TRNT1: variants seen among roughly 807,000 people sequenced by gnomAD.
TRNT1 encodes the protein CCA tRNA nucleotidyltransferase 1, mitochondrial.
A neutral mutation model predicts 45.6 loss-of-function variants in TRNT1; 44 were observed. The observed-to-expected ratio is 0.97, with a 90% CI of 0.76 to 1.24. The LOEUF is 1.24. Among genes scored for constraint, TRNT1 ranks in the 50% most tolerant of loss-of-function variants. The pLI is 0.00. For synonymous variants in TRNT1, 201 were observed against 171.4 expected, an observed-to-expected ratio of 1.17 and a Z score of -1.35; for missense variants, 633 against 504.4, an observed-to-expected ratio of 1.25 and a Z score of -2.44.
At chr3:3,152,691 A>G, downstream of TRNT1, 1 of 1,380,298 alleles carries the variant, frequency 7.2e-7, no homozygotes, top group South Asian at 1.2e-5. Flanking sequence ...GGTATGAGCT[A>G]TACAGTTTTT....
chr3:3,150,621 T>G (rs1338022283), downstream of TRNT1: 1 of 431,598 alleles, frequency 2.3e-6, no homozygotes, highest in African/African-American at 2.0e-5. Flanking sequence ...CACAGGATAA[T>G]GGCACCAAGC....
At position 3,147,567 on chromosome 3, in the gene TRNT1, C is replaced by T; in HGVS notation, c.920C>T (p.Thr307Ile). Reference protein sequence around the residue: ...ASLFKVQDDVTKLDLRLKIAK... With the variant: ...ASLFKVQDDVIKLDLRLKIAK... ...TTATTCAAAGTACAAGATGATGTCA[C>T]AAAATTGGATTTGAGGTTGAAGATC... The change falls in exon 7 of 8, where the codon ACA becomes ATA. Residue 307 changes from threonine to isoleucine, a missense_variant. By Grantham distance (89) the Thr-to-Ile change is moderately conservative (BLOSUM62 -1). Coordinates refer to ENST00000251607, the MANE Select transcript of TRNT1 (RefSeq NM_182916.3). 6.2e-7 allele frequency: 1 copy of T among 1,613,854 alleles called. No homozygotes were observed.
At chr3:3,133,992 A>G (rs532798904) in intron 2 of TRNT1, among the ~76,000 whole-genome samples, 38 of 152,284 alleles carry the variant, frequency 2.5e-4, no homozygotes, top group African/African-American at 7.9e-4. Flanking sequence ...ACATTAATGT[A>G]TGGTCTTTTG....
At chr3:3,150,269 C>T (rs1163417321), downstream of TRNT1, 2 of 152,322 alleles carry the variant, frequency 1.3e-5, no homozygotes, top group Non-Finnish European at 2.9e-5. Flanking sequence ...GACAACTATT[C>T]GTGGGCTCAA....
rs1575054638 is a variant in TRNT1, at chr3:3,140,434, A to G, written c.343-76A>G. 2.0e-6 allele frequency: 3 copies of G among 1,504,322 alleles called. No individual in the cohort carries two copies. In the East Asian group the frequency reaches 6.8e-5, roughly 34 times the overall value. 93.2% of individuals were successfully genotyped at this position (1,504,322 alleles called of 1,614,324 possible). ...TAGTACCATCCCTTTATAAAGACAA[A>G]AACTTATTTTTTTCAATTCAGTAGT... On this transcript the variant is annotated intron_variant, in intron 3 of 7. Transcript: ENST00000251607.
chr3:3,137,157 C>T (rs1180633045), intron 2 of TRNT1, 103 bp from the exon 3 acceptor site: 6 of 897,826 alleles, frequency 6.7e-6, no homozygotes, highest in Non-Finnish European at 9.8e-6. Context: ...AAATGAATCT[C>T]TGCTGTTCCA....
At chr3:3,153,231 C>T, downstream of TRNT1, 2 of 538,428 alleles carry the variant, frequency 3.7e-6, no homozygotes, top group Admixed American at 3.3e-5. Flanking sequence ...GTGAATAATC[C>T]CTGACATGCA....
intron 4 of TRNT1, 78 bp from the exon 5 acceptor site, chr3:3,144,506 G>C: frequency 7.3e-7 from 1 of 1,363,390 alleles, no homozygotes; most frequent in Non-Finnish European, 1.0e-6. Flanking sequence ...GTTTGTGATA[G>C]TGTTTAGCTG....
At chr3:3,144,515 T>C (rs949578682) in intron 4 of TRNT1, 69 bp from the exon 5 acceptor site, 3 of 1,440,168 alleles carry the variant, frequency 2.1e-6, no homozygotes, top group Non-Finnish European at 2.9e-6. Context: ...AGTGTTTAGC[T>C]GATTTTCTTG....
chr3:3,136,106 T>C (rs1371120088), intron 2 of TRNT1, among the ~76,000 whole-genome samples: 1 of 152,216 alleles, frequency 6.6e-6, no homozygotes, highest in Non-Finnish European at 1.5e-5. Context: ...GCACAGTCAC[T>C]GTTACCAACT....
At chr3:3,151,058 G>A (rs1219224389), downstream of TRNT1, 2 of 1,613,378 alleles carry the variant, frequency 1.2e-6, no homozygotes, top group East Asian at 2.2e-5. Flanking sequence ...AAGAAATTAA[G>A]GAAAGATATC....
intron 2 of TRNT1, among the ~76,000 whole-genome samples, chr3:3,131,027 G>T (rs1445889166): frequency 6.6e-6 from 1 of 151,774 alleles, no homozygotes; most frequent in Admixed American, 6.6e-5. Flanking sequence ...CTTGCGGTAA[G>T]CCGAGATTGT....
At position 3,137,364 on chromosome 3, in the gene TRNT1, A is replaced by C; in HGVS notation, c.253A>C (p.Thr85Pro). Residue 85 changes from threonine (T) to proline (P), a missense_variant, in exon 3 of 8, where the codon ACC (threonine) becomes CCC (proline). Coordinates refer to ENST00000251607, the MANE Select transcript of TRNT1 (RefSeq NM_182916.3). ...GGATATAGATTTTGCCACCACTGCT[A>C]CCCCTACTCAAATGAAGGAGATGTT... ...PQDIDFATTA[T>P]PTQMKEMFQS... 6.2e-7 allele frequency: 1 copy of C among 1,613,964 alleles called. No homozygotes were observed. Among genetic ancestry groups the C allele is most frequent in the Non-Finnish European group, 8.5e-7 (1 of 1,179,898 alleles).
At position 3,148,854 on chromosome 3, in the gene TRNT1, ATATGTT is replaced by A. The variant is rs1706253497; in HGVS notation, c.*706_*711del. ...AACAAACATTGGTATTGGAAGATAA[ATATGTT>A]TATGTGGTATCTGACAATGTGTATT... On this transcript the variant is annotated 3_prime_UTR_variant, in exon 8 of 8. Coordinates refer to ENST00000251607, the MANE Select transcript of TRNT1 (RefSeq NM_182916.3). 6.6e-6 allele frequency: 1 copy of A among 152,144 alleles called. No homozygotes were observed. Among genetic ancestry groups the A allele is most frequent in the South Asian group, 2.1e-4 (1 of 4,832 alleles). The allele number at this position is 152,144 out of a possible 1,614,324, so 9.4% of individuals were successfully genotyped here.
At position 3,147,217 on chromosome 3, in the gene TRNT1, A is replaced by C. The variant is rs1714328; in HGVS notation, c.803-233A>C. On this transcript the variant is annotated intron_variant, in intron 6 of 7. Transcript: ENST00000251607. ...CACCACTGTCACCACTACCCCTGGA[A>C]CTCTTGATGTAGCTTTAATGGAAAC... Among the ~76,000 whole-genome samples, 139,523 of 152,134 alleles carry C rather than the reference A, an allele frequency of 0.92. 65,194 individuals are homozygous for C. The highest frequency in any genetic ancestry group is 1 in the East Asian group (5,160 of 5,160).
intron 1 of TRNT1, among the ~76,000 whole-genome samples, chr3:3,128,629 T>C (rs944186360): frequency 1.4e-4 from 21 of 147,476 alleles, no homozygotes; most frequent in African/African-American, 5.0e-4. Flanking sequence ...AAAGAATTCC[T>C]TTGTTATTTT....
At chr3:3,133,349 T>A (rs147311730) in intron 2 of TRNT1, among the ~76,000 whole-genome samples, 1,927 of 151,920 alleles carry the variant, frequency 0.013, 51 homozygotes, top group African/African-American at 0.044. Context: ...AGCCCAGGAG[T>A]TAGAGACCAG....
rs553521842 is a variant in TRNT1 at position 3,143,189 on chromosome 3, A to G, written c.482-1395A>G. ...GTTTCGGCTCTAAATTCCTTTTTCT[A>G]TTTTTTTAAGTCTCCATGGTAACCA... is the stretch of plus-strand genomic sequence containing the variant. On this transcript the variant is annotated intron_variant, in intron 4 of 7. Coordinates refer to ENST00000251607, the MANE Select transcript of TRNT1 (RefSeq NM_182916.3). Among the ~76,000 whole-genome samples the G allele has an allele frequency of 1.4e-4, 22 of 151,986 alleles. No individual in the cohort carries two copies. In the East Asian group the frequency reaches 1.9e-3, roughly 13 times the overall value.
intron 2 of TRNT1, among the ~76,000 whole-genome samples, chr3:3,133,815 T>C (rs1705161891): frequency 6.6e-6 from 1 of 152,056 alleles, no homozygotes; most frequent in Non-Finnish European, 1.5e-5. Context: ...TGTTTTTCTG[T>C]AGTAATGCTC....
Sources: allele counts gnomAD v4.1 joint callset (sites outside exome capture counted in the v4.1 genomes callset), GRCh38; gene constraint gnomAD v4.1.1; transcripts MANE v1.5; gene names NCBI Gene and HGNC (gene_info 2026-07-23, HGNC 2026-07-21).